Variants in OTOG observed in about 807,000 individuals in gnomAD.
The protein encoded by OTOG is otogelin.
In OTOG, 296 loss-of-function variants were observed where a neutral mutation model predicts 313.8. The ratio of observed to expected loss-of-function variants is 0.94; its 90% CI spans 0.86 to 1.04. OTOG has a LOEUF of 1.04. OTOG is among the 50% of genes least tolerant of loss of function. The pLI, the probability that OTOG is intolerant of heterozygous loss-of-function variation, is 0.00. For synonymous variants in OTOG, 1,533 were observed against 1,554.9 expected, an observed-to-expected ratio of 0.99 and a Z score of 0.33; for missense variants, 3,948 against 3,840.1, an observed-to-expected ratio of 1.03 and a Z score of -0.74.
intron 23 of OTOG, among the ~76,000 whole-genome samples, chr11:17,585,340 C>T (rs1852767375): frequency 6.6e-6 from 1 of 152,178 alleles, no homozygotes; most frequent in African/African-American, 2.4e-5. Flanking sequence ...TCAGTAGAGT[C>T]TGTAGCAATA....
At chr11:17,626,148 C>T (rs1280241847) in intron 39 of OTOG, among the ~76,000 whole-genome samples, 1 of 152,008 alleles carries the variant, frequency 6.6e-6, no homozygotes, top group African/African-American at 2.4e-5. Flanking sequence ...CTATTCTGTT[C>T]CATTAGTCTA....
chr11:17,614,237 G>A (rs546174739), intron 39 of OTOG, among the ~76,000 whole-genome samples: 2 of 152,024 alleles, frequency 1.3e-5, no homozygotes, highest in East Asian at 1.9e-4. Context: ...TCCTCCTCAG[G>A]TCCCAAAGTT....
intron 32 of OTOG, among the ~76,000 whole-genome samples, chr11:17,604,959 G>A (rs1226060286): frequency 1.3e-5 from 2 of 152,186 alleles, no homozygotes; most frequent in Non-Finnish European, 2.9e-5. Context: ...GGACACTATC[G>A]TCCCTCCTGG....
rs1322889388 is a variant in OTOG at position 17,633,716 on chromosome 11, G to C, written c.7109G>C (p.Cys2370Ser). 2 of 1,548,986 alleles carry C rather than the reference G, an allele frequency of 1.3e-6. No homozygotes were observed. Among genetic ancestry groups the C allele is most frequent in the Non-Finnish European group, 1.7e-6 (2 of 1,146,238 alleles). Residue 2370 changes from cysteine (C) to serine (S), a missense_variant, in exon 43 of 56, where the codon TGT becomes TCT. Coordinates refer to ENST00000399397, the MANE Select transcript of OTOG (RefSeq NM_001292063.2). ...TCCAGCGACTCCACATACCAGGCAT[G>C]TGTGACAGCCTGTGAGCCACCCAAG... Reference protein sequence around the residue: ...LCSSDSTYQACVTACEPPKTC... With the variant: ...LCSSDSTYQASVTACEPPKTC...
At chr11:17,575,667 C>G (rs1229641823) in intron 20 of OTOG, among the ~76,000 whole-genome samples, 1 of 152,172 alleles carries the variant, frequency 6.6e-6, no homozygotes, top group African/African-American at 2.4e-5. Flanking sequence ...GATTGGTGGT[C>G]TTCAAATGGT....
chr11:17,595,216 G>A lies in OTOG; in HGVS notation c.3409-822G>A, dbSNP rs16934461. Among the ~76,000 whole-genome samples, 1,055 of 152,182 alleles carry A rather than the reference G, an allele frequency of 6.9e-3. 40 individuals carry two copies. The East Asian group carries it at 0.11, about 15-fold the overall frequency. On this transcript the variant is annotated intron_variant, in intron 28 of 55. Coordinates refer to ENST00000399397, the MANE Select transcript of OTOG (RefSeq NM_001292063.2). ...GGTTCCCACAGCCTCTGAAAAGTGC[G>A]CCCTAACACACCCCCATTTTAGAGA...
At chr11:17,615,763 T>C (rs994050896) in intron 39 of OTOG, among the ~76,000 whole-genome samples, 1 of 152,212 alleles carries the variant, frequency 6.6e-6, no homozygotes, top group Non-Finnish European at 1.5e-5. Flanking sequence ...ACCCCTTCTC[T>C]ACTAAAAATA....
chr11:17,612,053 C>T (rs1052170831), intron 36 of OTOG, 109 bp from the exon 37 acceptor site: 82 of 1,341,270 alleles, frequency 6.1e-5, no homozygotes, highest in Non-Finnish European at 7.7e-5. Flanking sequence ...CTAGAAGGTC[C>T]CCTGCCCCGC....
intron 23 of OTOG, among the ~76,000 whole-genome samples, chr11:17,581,535 A>G (rs1852665133): frequency 6.6e-6 from 1 of 152,214 alleles, no homozygotes; most frequent in Non-Finnish European, 1.5e-5. Context: ...GAGTTTCTCA[A>G]CAAAATGGTT....
At chr11:17,591,616 T>C in intron 25 of OTOG, 28 bp downstream of exon 25, 1 of 1,549,748 alleles carries the variant, frequency 6.5e-7, no homozygotes, top group Non-Finnish European at 8.7e-7. Context: ...TCTGCCCAGT[T>C]GGCTCCATGC....
chr11:17,593,600 G>T lies in OTOG; in HGVS notation c.3142-10G>T. On this transcript the variant is annotated splice_polypyrimidine_tract_variant and intron_variant, in intron 26 of 55. Transcript: ENST00000399397. ...CTTGGGCTCAGGACTGACCATCTCT[G>T]TCCCTCTAGAGTCCAGAGAGCTTCC... 6.5e-7 allele frequency: 1 copy of T among 1,548,690 alleles called. No homozygotes were observed.
At chr11:17,570,833 C>T (rs1222563640) in intron 17 of OTOG, among the ~76,000 whole-genome samples, 3 of 152,136 alleles carry the variant, frequency 2.0e-5, no homozygotes, top group Non-Finnish European at 4.4e-5. Context: ...GTGTAAGCCC[C>T]TAGTGAGCCA....
intron 23 of OTOG, among the ~76,000 whole-genome samples, chr11:17,578,962 T>C (rs1346064220): frequency 1.3e-5 from 2 of 152,090 alleles, no homozygotes; most frequent in African/African-American, 4.8e-5. Context: ...CTAGTGCCCC[T>C]AAAATATTAA....
At chr11:17,586,603 G>A (rs1852800262) in intron 24 of OTOG, 22 bp downstream of exon 24, 2 of 1,334,352 alleles carry the variant, frequency 1.5e-6, no homozygotes, top group South Asian at 2.0e-5. Context: ...TCCCAAGCAG[G>A]CTTTGCTTTT....
In OTOG at chr11:17,593,645, C is replaced by T. The variant is rs184126223; in HGVS notation, c.3177C>T (p.Val1059=). ...GCTTCCTGGATGACAAGCAGGAGGTCCACACATGGCGAGTGGGATTTTTCA... is the reference window on the plus strand; with the variant it reads ...GCTTCCTGGATGACAAGCAGGAGGTTCACACATGGCGAGTGGGATTTTTCA... ...PESFLDDKQE[V]HTWRVGFFTL... is the part of the protein sequence containing the mutation. Residue 1059 remains valine (V), a synonymous_variant, in exon 27 of 56, where the codon GTC becomes GTT. Transcript: ENST00000399397. The T allele has an allele frequency of 1.3e-6, 2 of 1,549,088 alleles. No homozygotes were observed. The highest frequency in any genetic ancestry group is 3.9e-5 in the Admixed American group (2 of 51,004).
intron 39 of OTOG, among the ~76,000 whole-genome samples, chr11:17,621,592 AGAGCTCTCTCTCT>A (rs1853865040): frequency 6.6e-6 from 1 of 152,182 alleles, no homozygotes; most frequent in Admixed American, 6.5e-5. Context: ...GCAAAGCTTC[AGAGCTCTCTCTCT>A]CTCTCTCTCT....
At chr11:17,609,423 A>G (rs1565115902) in intron 35 of OTOG, among the ~76,000 whole-genome samples, 1 of 152,074 alleles carries the variant, frequency 6.6e-6, no homozygotes, top group Non-Finnish European at 1.5e-5. Context: ...GAGTGGGGTC[A>G]CATGGTGAGA....
chr11:17,617,917 AT>A (rs762600888), intron 39 of OTOG, among the ~76,000 whole-genome samples: 4,734 of 142,568 alleles, frequency 0.033, 116 homozygotes, highest in Middle Eastern at 0.077. Flanking sequence ...TTCTTCTTCT[AT>A]TTTTTTTTTT....
intron 23 of OTOG, among the ~76,000 whole-genome samples, chr11:17,583,018 A>C (rs1219952321): frequency 9.9e-5 from 15 of 151,880 alleles, no homozygotes; most frequent in Admixed American, 9.8e-4. Context: ...ATTTCTGATG[A>C]GGTCTAATTT....
Sources: gnomAD v4.1 joint callset for allele counts (sites outside exome capture counted in the v4.1 genomes callset) on GRCh38, gnomAD v4.1.1 for gene constraint, MANE v1.5 for transcripts, NCBI Gene and HGNC (gene_info 2026-07-23, HGNC 2026-07-21) for gene names.